The following SYN3 variants were observed in gnomAD, a reference collection of about 807,000 sequenced individuals.
SYN3 encodes the protein synapsin III, also known as synapsin-3.
Under a neutral mutation model 65.8 loss-of-function variants are expected in SYN3, and 35 were observed. The observed-to-expected ratio is 0.53, with a 90% CI of 0.41 to 0.70. The LOEUF (loss-of-function observed/expected upper bound fraction) is 0.70. Among genes scored for constraint, SYN3 ranks in the 30% least tolerant of loss-of-function variants. The pLI, the probability that SYN3 is intolerant of heterozygous loss-of-function variation, is 0.00. For missense variants in SYN3, 680 were observed against 749.0 expected (o/e 0.91, Z 1.08); for synonymous variants, 270 against 292.9 (o/e 0.92, Z 0.80).
intron 4 of SYN3, among the ~76,000 whole-genome samples, chr22:32,884,129 G>A (rs2049224952): frequency 2.0e-5 from 3 of 152,178 alleles, no homozygotes; most frequent in African/African-American, 7.2e-5. Context: ...AAGTCTGGCC[G>A]AACCTGGGAA....
At chr22:32,867,162 T>C (rs528087980) in intron 5 of SYN3, among the ~76,000 whole-genome samples, 79 of 152,282 alleles carry the variant, frequency 5.2e-4, no homozygotes, top group African/African-American at 1.7e-3. Context: ...CACAGAGAGA[T>C]AGCAAAACAC....
intron 7 of SYN3, among the ~76,000 whole-genome samples, chr22:32,554,706 G>A (rs1196288551): frequency 6.6e-6 from 1 of 152,154 alleles, no homozygotes; most frequent in East Asian, 1.9e-4. Context: ...GTAAGAACTA[G>A]CTGCATTAGG....
At chr22:32,639,090 ACTACAGGCG>A (rs1294993152) in intron 6 of SYN3, among the ~76,000 whole-genome samples, 1 of 152,100 alleles carries the variant, frequency 6.6e-6, no homozygotes, top group Admixed American at 6.6e-5. Context: ...AGTAGCTGGG[ACTACAGGCG>A]CCCGCCACCA....
intron 6 of SYN3, among the ~76,000 whole-genome samples, chr22:32,786,891 G>C (rs1043054906): frequency 2.0e-5 from 3 of 152,008 alleles, no homozygotes; most frequent in African/African-American, 7.3e-5. Flanking sequence ...TAAAGAGGGG[G>C]AATGGGAGGC....
chr22:32,900,857 A>G lies in SYN3; in HGVS notation c.461+30533T>C, dbSNP rs140922082. Among the ~76,000 whole-genome samples the G allele has an allele frequency of 2.0e-4, 30 of 152,332 alleles. No homozygotes were observed. In the East Asian group the frequency reaches 5.8e-3, roughly 29 times the overall value. On this transcript the variant is annotated intron_variant, in intron 4 of 13. Coordinates refer to ENST00000358763, the MANE Select transcript of SYN3 (RefSeq NM_003490.4). ...CTAGTACTTTCCTACTTATATTCTA[A>G]GATGGCACATTTAATTATTTGATCA...
At chr22:32,574,435 C>T (rs759911563) in intron 7 of SYN3, among the ~76,000 whole-genome samples, 24 of 152,064 alleles carry the variant, frequency 1.6e-4, no homozygotes, top group African/African-American at 4.6e-4. Context: ...GCTATGATCA[C>T]GTCACTGTAC....
chr22:32,887,014 A>T (rs2049312422), intron 4 of SYN3, among the ~76,000 whole-genome samples: 2 of 150,580 alleles, frequency 1.3e-5, no homozygotes, highest in Non-Finnish European at 3.0e-5. Flanking sequence ...ACGTCAGATA[A>T]GTCTCAGTCT....
At chr22:32,979,865 G>A (rs1035456469) in intron 3 of SYN3, among the ~76,000 whole-genome samples, 1 of 152,154 alleles carries the variant, frequency 6.6e-6, no homozygotes. Context: ...GGTTAGTAAG[G>A]GGCGGTGTTA....
intron 6 of SYN3, among the ~76,000 whole-genome samples, chr22:32,631,168 G>A (rs535849461): frequency 2.9e-3 from 442 of 152,136 alleles, no homozygotes; most frequent in Middle Eastern, 0.024. Flanking sequence ...GGTGGCATGC[G>A]CCTGTAATCC....
chr22:32,603,515 G>A (rs1377884334), intron 6 of SYN3, among the ~76,000 whole-genome samples: 11 of 145,078 alleles, frequency 7.6e-5, no homozygotes, highest in Non-Finnish European at 1.0e-4. Context: ...GCGAGACTCC[G>A]AGACTCCGTC....
At chr22:32,892,515 C>A (rs918825993) in intron 4 of SYN3, among the ~76,000 whole-genome samples, 2 of 152,122 alleles carry the variant, frequency 1.3e-5, no homozygotes, top group Non-Finnish European at 2.9e-5. Context: ...GTGATGAGTG[C>A]TGTGAAGGAA....
intron 6 of SYN3, among the ~76,000 whole-genome samples, chr22:32,712,992 C>G (rs1463674397): frequency 1.3e-5 from 2 of 152,176 alleles, no homozygotes; most frequent in African/African-American, 2.4e-5. Flanking sequence ...TTATGTGCCT[C>G]TCCCCATTCT....
At chr22:32,754,496 AG>A (rs1376064506) in intron 6 of SYN3, among the ~76,000 whole-genome samples, 1 of 152,082 alleles carries the variant, frequency 6.6e-6, no homozygotes, top group African/African-American at 2.4e-5. Flanking sequence ...TCATCCTCCC[AG>A]TACTGGACTA....
At chr22:32,701,466 A>C (rs1185531693) in intron 6 of SYN3, among the ~76,000 whole-genome samples, 1 of 102,878 alleles carries the variant, frequency 9.7e-6, no homozygotes, top group African/African-American at 5.2e-5. Flanking sequence ...GAATCAGATC[A>C]AGAAATTATA....
At chr22:33,052,182 C>T (rs762405570) in intron 1 of SYN3, among the ~76,000 whole-genome samples, 2 of 152,208 alleles carry the variant, frequency 1.3e-5, no homozygotes, top group Non-Finnish European at 2.9e-5. Flanking sequence ...CCCACGGCTC[C>T]TTCCCACCAG....
intron 6 of SYN3, chr22:32,857,169 C>T (rs56015565): frequency 0.012 from 12,449 of 1,066,866 alleles, 125 homozygotes; most frequent in Non-Finnish European, 0.014. Flanking sequence ...CCTTTGGATA[C>T]ATACCCAGCA....
At position 32,510,535 on chromosome 22, in the gene SYN3, T is replaced by G. The variant is rs1169599620; in HGVS notation, c.*3157A>C. Among the ~76,000 whole-genome samples, 1 of 152,208 alleles carries G rather than the reference T, an allele frequency of 6.6e-6. No homozygotes were observed. The highest frequency in any genetic ancestry group is 1.5e-5 in the Non-Finnish European group (1 of 68,038). ...CTCCTGAAACTTGAGGACCTCATGG[T>G]TACACCCTGCCCTACAAGTTTTCTC... On this transcript the variant is annotated 3_prime_UTR_variant, in exon 14 of 14. Coordinates refer to ENST00000358763, the MANE Select transcript of SYN3 (RefSeq NM_003490.4).
intron 6 of SYN3, among the ~76,000 whole-genome samples, chr22:32,743,315 C>A (rs571017643): frequency 6.6e-6 from 1 of 152,272 alleles, no homozygotes; most frequent in East Asian, 1.9e-4. Context: ...CAATGTCTCA[C>A]CAGCAGAACG....
At chr22:32,758,382 G>T (rs1393548677) in intron 6 of SYN3, among the ~76,000 whole-genome samples, 1 of 151,844 alleles carries the variant, frequency 6.6e-6, no homozygotes, top group Non-Finnish European at 1.5e-5. Flanking sequence ...TGAGGGTGTT[G>T]CCAAAGGAGA....
Sources: allele counts gnomAD v4.1 joint callset (sites outside exome capture counted in the v4.1 genomes callset), GRCh38; gene constraint gnomAD v4.1.1; transcripts MANE v1.5; gene names NCBI Gene and HGNC (gene_info 2026-07-23, HGNC 2026-07-21).